Variants in EPB41L4A observed in about 807,000 individuals in gnomAD.
EPB41L4A encodes erythrocyte membrane protein band 4.1 like 4A.
EPB41L4A carries 100 observed loss-of-function variants against 108.6 expected under a neutral mutation model. The ratio of observed to expected loss-of-function variants is 0.92; its 90% CI spans 0.78 to 1.09. The LOEUF is 1.09. Ranked by LOEUF, EPB41L4A falls within the 50% of genes least tolerant of loss-of-function variation. The probability of loss-of-function intolerance (pLI) is 0.00; values close to 1 mark genes in which losing one functional copy is unlikely to be tolerated. For synonymous variants in EPB41L4A, 319 were observed against 289.0 expected (o/e 1.10, Z -1.05); for missense variants, 1,030 against 842.7 (o/e 1.22, Z -2.75).
chr5:112,417,025 G>T (rs983838441), intron 1 of EPB41L4A, among the ~76,000 whole-genome samples: 10 of 152,192 alleles, frequency 6.6e-5, no homozygotes, highest in Admixed American at 6.5e-5. Context: ...CAAGGACAGA[G>T]GCCAAGCCTG....
chr5:112,309,780 G>T (rs938634621), intron 1 of EPB41L4A, among the ~76,000 whole-genome samples: 4 of 152,198 alleles, frequency 2.6e-5, no homozygotes, highest in Non-Finnish European at 4.4e-5. Flanking sequence ...GAAGGGAAAA[G>T]CAGGGGGAAA....
chr5:112,196,425 G>C (rs1174726147), intron 15 of EPB41L4A, among the ~76,000 whole-genome samples: 2 of 152,072 alleles, frequency 1.3e-5, no homozygotes, highest in South Asian at 4.1e-4. Context: ...CTAGGACCTG[G>C]GCCATTGTTA....
intron 9 of EPB41L4A, among the ~76,000 whole-genome samples, chr5:112,252,212 T>C (rs1554084923): frequency 6.6e-6 from 1 of 152,190 alleles, no homozygotes; most frequent in Non-Finnish European, 1.5e-5. Context: ...TGTGTATGCT[T>C]ATATGCACAT....
chr5:112,395,060 G>A (rs1322508411), intron 1 of EPB41L4A, among the ~76,000 whole-genome samples: 1 of 152,204 alleles, frequency 6.6e-6, no homozygotes, highest in Non-Finnish European at 1.5e-5. Flanking sequence ...AGTTGAAACT[G>A]GATCCCTTCC....
In EPB41L4A at chr5:112,379,939, C is replaced by T. The variant is rs117058215; in HGVS notation, c.99+39002G>A. Among the ~76,000 whole-genome samples, 83 of 152,238 alleles carry T rather than the reference C, an allele frequency of 5.5e-4. No homozygotes were observed. In the East Asian group the frequency reaches 0.013, roughly 23 times the overall value. On this transcript the variant is annotated intron_variant, in intron 1 of 22. Transcript: ENST00000261486. The stretch of plus-strand genomic sequence containing the variant: ...AGCACTGACCTACTCAAATTTAAGA[C>T]GACTATTTTAAGGAAATTAAAAGCC...
intron 9 of EPB41L4A, among the ~76,000 whole-genome samples, chr5:112,251,284 A>T (rs1349999942): frequency 6.6e-6 from 1 of 152,192 alleles, no homozygotes; most frequent in Non-Finnish European, 1.5e-5. Flanking sequence ...ACTACTGGGA[A>T]TTTAACCCAT....
Position 112,419,048 on chromosome 5 carries a change from T to C in EPB41L4A, c.-9A>G, listed in dbSNP as rs970355391. 9 of 1,610,432 alleles carry C rather than the reference T, an allele frequency of 5.6e-6. No individual in the cohort carries two copies. Among genetic ancestry groups the C allele is most frequent in the Non-Finnish European group, 7.6e-6 (9 of 1,177,308 alleles). Reference sequence around the variant, plus strand: ...GCGCAGAAACAGCCCATGTCGGTTGTGGTCGTCTCCAGCCAGGAGAGAAAG... The same window carrying C: ...GCGCAGAAACAGCCCATGTCGGTTGCGGTCGTCTCCAGCCAGGAGAGAAAG... On this transcript the variant is annotated 5_prime_UTR_variant, in exon 1 of 23. Transcript: ENST00000261486.
At chr5:112,340,160 T>C (rs1757221304) in intron 1 of EPB41L4A, among the ~76,000 whole-genome samples, 1 of 152,052 alleles carries the variant, frequency 6.6e-6, no homozygotes, top group Non-Finnish European at 1.5e-5. Context: ...CTGCAAAAGA[T>C]TGAGGGAGTG....
At chr5:112,178,786 T>G (rs1761001670) in intron 18 of EPB41L4A, among the ~76,000 whole-genome samples, 1 of 151,902 alleles carries the variant, frequency 6.6e-6, no homozygotes, top group Admixed American at 6.5e-5. Flanking sequence ...AAAGGGAAAT[T>G]TATAAATTTA....
At chr5:112,190,288 G>A (rs1238949277) in intron 17 of EPB41L4A, among the ~76,000 whole-genome samples, 2 of 152,028 alleles carry the variant, frequency 1.3e-5, no homozygotes, top group Admixed American at 6.6e-5. Context: ...CTATTTAGAT[G>A]ATAAAACTTT....
Position 112,184,435 on chromosome 5 carries a change from A to C in EPB41L4A, c.1503-300T>G, listed in dbSNP as rs1449592294. Among the ~76,000 whole-genome samples the C allele has an allele frequency of 6.6e-5, 10 of 152,346 alleles. No individual in the cohort carries two copies. In the East Asian group the frequency reaches 1.9e-3, roughly 29 times the overall value. ...TTTAAACATTTCTAAGTTTCGACTA[A>C]AGAAACTCTGGTGTCTGCTATAGAG... is the stretch of plus-strand genomic sequence containing the variant. On this transcript the variant is annotated intron_variant, in intron 17 of 22. Coordinates refer to ENST00000261486, the MANE Select transcript of EPB41L4A (RefSeq NM_022140.5).
At chr5:112,400,135 C>T (rs1561644596) in intron 1 of EPB41L4A, among the ~76,000 whole-genome samples, 2 of 152,026 alleles carry the variant, frequency 1.3e-5, no homozygotes, top group Middle Eastern at 3.4e-3. Context: ...TGATCATGGC[C>T]GAAGGTGAAG....
intron 15 of EPB41L4A, among the ~76,000 whole-genome samples, chr5:112,203,670 T>C (rs192605678): frequency 6.6e-6 from 1 of 152,330 alleles, no homozygotes; most frequent in Non-Finnish European, 1.5e-5. Context: ...AAAAGGCGTT[T>C]TTCAGCTAAA....
chr5:112,304,731 T>C (rs1382320900), intron 2 of EPB41L4A, among the ~76,000 whole-genome samples: 6 of 152,174 alleles, frequency 3.9e-5, no homozygotes, highest in African/African-American at 1.4e-4. Flanking sequence ...AAAGGCCTTT[T>C]ACATGTTCAA....
At chr5:112,399,513 A>G (rs1193502506) in intron 1 of EPB41L4A, among the ~76,000 whole-genome samples, 2 of 152,220 alleles carry the variant, frequency 1.3e-5, no homozygotes, top group African/African-American at 4.8e-5. Flanking sequence ...ATCTGTTTAA[A>G]GAATGACTAT....
At chr5:112,176,629 C>A (rs547579120) in intron 18 of EPB41L4A, among the ~76,000 whole-genome samples, 1 of 152,258 alleles carries the variant, frequency 6.6e-6, no homozygotes, top group East Asian at 1.9e-4. Flanking sequence ...CATTTCACCA[C>A]CACCATCTTT....
chr5:112,144,478 A>G (rs191217297), intron 13 of EPB41L4A, among the ~76,000 whole-genome samples: 1 of 152,200 alleles, frequency 6.6e-6, no homozygotes, highest in African/African-American at 2.4e-5. Context: ...AGTTTTGCCA[A>G]GTTGCCCAGG....
chr5:112,228,392 C>T (rs1303000293), intron 12 of EPB41L4A: 1 of 152,234 alleles, frequency 6.6e-6, no homozygotes, highest in Non-Finnish European at 1.5e-5. Flanking sequence ...ACAAACCATC[C>T]TCTCAGAAAT....
At chr5:112,281,706 C>G (rs1446738012) in intron 2 of EPB41L4A, among the ~76,000 whole-genome samples, 2 of 152,230 alleles carry the variant, frequency 1.3e-5, no homozygotes, top group Non-Finnish European at 2.9e-5. Flanking sequence ...CAGTTGAGGG[C>G]AGAATGCTTG....
Sources: allele counts gnomAD v4.1 joint callset (sites outside exome capture counted in the v4.1 genomes callset), GRCh38; gene constraint gnomAD v4.1.1; transcripts MANE v1.5; gene names NCBI Gene and HGNC (gene_info 2026-07-23, HGNC 2026-07-21).